The following RGS6 variants were observed in gnomAD, a reference collection of about 807,000 sequenced individuals.
RGS6 encodes the protein regulator of G protein signaling 6.
Under a neutral mutation model 78.5 loss-of-function variants are expected in RGS6, and 30 were observed. The observed-to-expected ratio is 0.38, with a 90% CI of 0.29 to 0.52. The LOEUF (loss-of-function observed/expected upper bound fraction) is 0.52, where lower values mean the gene tolerates loss of function less well. Ranked by LOEUF, RGS6 falls within the 20% of genes least tolerant of loss-of-function variation. The pLI is 0.85. For missense variants in RGS6, 495 were observed against 609.7 expected, an observed-to-expected ratio of 0.81 and a Z score of 1.98; for synonymous variants, 206 against 206.0, an observed-to-expected ratio of 1.00 and a Z score of 0.00.
chr14:72,241,634 C>A (rs1050215773), intron 2 of RGS6, among the ~76,000 whole-genome samples: 1 of 152,262 alleles, frequency 6.6e-6, no homozygotes, highest in African/African-American at 2.4e-5. Flanking sequence ...TGTAGCAATT[C>A]TTTATTATTG....
chr14:71,917,582 C>T, the RGS6 span, among the ~76,000 whole-genome samples: 1 of 152,148 alleles, frequency 6.6e-6, no homozygotes, highest in African/African-American at 2.4e-5. Context: ...GCTTAGGCTG[C>T]AGCCCTGCGT....
chr14:72,258,120 A>T (rs1567597603), intron 2 of RGS6, among the ~76,000 whole-genome samples: 1 of 152,186 alleles, frequency 6.6e-6, no homozygotes, highest in Non-Finnish European at 1.5e-5. Flanking sequence ...TTGGTTACAG[A>T]AAAATCCAGA....
the RGS6 span, among the ~76,000 whole-genome samples, chr14:71,924,007 C>G: frequency 6.6e-6 from 1 of 152,098 alleles, no homozygotes; most frequent in Non-Finnish European, 1.5e-5. Flanking sequence ...GGGGAAATGG[C>G]AGAAATTTCT....
intron 10 of RGS6, among the ~76,000 whole-genome samples, chr14:72,476,107 A>G (rs1425046748): frequency 6.6e-6 from 1 of 152,134 alleles, no homozygotes; most frequent in Non-Finnish European, 1.5e-5. Flanking sequence ...TCCCATTGCA[A>G]AGATTGTGTT....
At chr14:72,175,898 C>T (rs2097098952) in intron 2 of RGS6, among the ~76,000 whole-genome samples, 1 of 152,176 alleles carries the variant, frequency 6.6e-6, no homozygotes, top group African/African-American at 2.4e-5. Context: ...CCCCCACTCT[C>T]AGCCCATGTG....
intron 15 of RGS6, among the ~76,000 whole-genome samples, chr14:72,520,387 G>A (rs2097020325): frequency 6.6e-6 from 1 of 152,104 alleles, no homozygotes; most frequent in African/African-American, 2.4e-5. Context: ...ATTTAGGTTT[G>A]ATTTTTATGG....
At chr14:72,308,317 C>A (rs1214090806) in intron 2 of RGS6, among the ~76,000 whole-genome samples, 1 of 152,158 alleles carries the variant, frequency 6.6e-6, no homozygotes, top group Non-Finnish European at 1.5e-5. Context: ...GTAGCAAATA[C>A]AACTGTCCTT....
chr14:72,518,706 G>A (rs969711554), intron 15 of RGS6, among the ~76,000 whole-genome samples, 169 bp downstream of exon 15: 1 of 152,156 alleles, frequency 6.6e-6, no homozygotes, highest in Non-Finnish European at 1.5e-5. Flanking sequence ...AAAATCCCAG[G>A]ATCGTTTTCC....
At chr14:72,593,314 A>G in the RGS6 span, among the ~76,000 whole-genome samples, 1 of 152,228 alleles carries the variant, frequency 6.6e-6, no homozygotes, top group Non-Finnish European at 1.5e-5. Context: ...AACAAACCTG[A>G]TCATACGATA....
chr14:72,289,047 A>G (rs2063105594), intron 2 of RGS6, among the ~76,000 whole-genome samples: 1 of 152,186 alleles, frequency 6.6e-6, no homozygotes, highest in South Asian at 2.1e-4. Context: ...AACAATGCAT[A>G]TACAACATGT....
chr14:72,097,686 T>C (rs1311980674), intron 2 of RGS6, among the ~76,000 whole-genome samples: 1 of 152,174 alleles, frequency 6.6e-6, no homozygotes, highest in Non-Finnish European at 1.5e-5. Flanking sequence ...CTCCCCCTCC[T>C]CTGCCGGGAA....
chr14:72,423,715 A>G (rs2094310714), intron 3 of RGS6, among the ~76,000 whole-genome samples: 1 of 152,196 alleles, frequency 6.6e-6, no homozygotes, highest in African/African-American at 2.4e-5. Flanking sequence ...AACAACCAGC[A>G]GGTCCTTTGC....
In RGS6 at chr14:72,334,311, C is replaced by T. The variant is rs539793487; in HGVS notation, c.85-17784C>T. On this transcript the variant is annotated intron_variant, in intron 2 of 17. Transcript: ENST00000553525. ...CTGGGAGCTGGGCCAAGCACAGCCC[C>T]TCCTAGCTGCGGAAAGAGCCTTCCT... 4.6e-5 allele frequency among the ~76,000 whole-genome samples: 7 copies of T among 152,364 alleles called. No individual in the cohort carries two copies. In the South Asian group the frequency reaches 1.4e-3, roughly 32 times the overall value.
At chr14:71,927,805 G>C (rs973918004), upstream of RGS6, among the ~76,000 whole-genome samples, 1 of 151,420 alleles carries the variant, frequency 6.6e-6, no homozygotes, top group Non-Finnish European at 1.5e-5. Flanking sequence ...CTACAGGCGC[G>C]CGCCACCATG....
At chr14:71,893,284 A>G in the RGS6 span, among the ~76,000 whole-genome samples, 41 of 152,338 alleles carry the variant, frequency 2.7e-4, no homozygotes, top group South Asian at 8.5e-3. Context: ...GGGTCTTTAA[A>G]TGTGTGGATT....
intron 2 of RGS6, among the ~76,000 whole-genome samples, chr14:72,007,027 C>CAA (rs35651129): frequency 6.7e-6 from 1 of 150,204 alleles, no homozygotes; most frequent in Non-Finnish European, 1.5e-5. Context: ...TACGTAGTGG[C>CAA]AAAAAAAAGA....
At position 72,563,211 on chromosome 14, in the gene RGS6, T is replaced by G. The variant is rs2097694337; in HGVS notation, c.*744T>G. The G allele has an allele frequency of 5.8e-6, 1 of 171,002 alleles. No homozygotes were observed. The highest frequency in any genetic ancestry group is 1.3e-5 in the Non-Finnish European group (1 of 78,952). The allele number at this position is 171,002 out of a possible 1,614,324, so 10.6% of individuals were successfully genotyped here. A position where few individuals can be genotyped will look rare whatever the true frequency, so the allele number is the denominator to read the frequency against. On this transcript the variant is annotated 3_prime_UTR_variant, in exon 18 of 18. Transcript: ENST00000553525. ...AAGCACTGTTGTAGATGACAGAGCT[T>G]TTTGTTTCACAGCTGCGGGGATTCT... is the stretch of plus-strand genomic sequence containing the variant.
rs535279924 is a variant in RGS6, at chr14:72,550,745, T to C, written c.1422+10651T>C. On this transcript the variant is annotated intron_variant, in intron 17 of 17. Coordinates refer to ENST00000553525, the MANE Select transcript of RGS6 (RefSeq NM_001204424.2). Reference sequence around the variant, plus strand: ...TGGAGGTTTTACACCTGATGGAGGTTTCCTTGGTAGTGATTCAGCTTCACA... The same window carrying C: ...TGGAGGTTTTACACCTGATGGAGGTCTCCTTGGTAGTGATTCAGCTTCACA... 4.1e-6 allele frequency: 4 copies of C among 986,370 alleles called. No individual in the cohort carries two copies. In the East Asian group the frequency reaches 8.2e-5, roughly 20 times the overall value. 61.1% of individuals were successfully genotyped at this position (986,370 alleles called of 1,614,324 possible).
intron 2 of RGS6, among the ~76,000 whole-genome samples, chr14:72,227,453 C>G (rs1388434747): frequency 1.3e-5 from 2 of 152,116 alleles, no homozygotes; most frequent in African/African-American, 2.4e-5. Context: ...TAAATTAAGA[C>G]TACAATATTA....
Sources: allele counts gnomAD v4.1 joint callset (sites outside exome capture counted in the v4.1 genomes callset), GRCh38; gene constraint gnomAD v4.1.1; transcripts MANE v1.5; gene names NCBI Gene and HGNC (gene_info 2026-07-23, HGNC 2026-07-21).